Variants in VASN observed in about 807,000 individuals in gnomAD.
VASN encodes vasorin.
In VASN, 5 loss-of-function variants were observed where a neutral mutation model predicts 4.8. The ratio of observed to expected loss-of-function variants is 1.03; its 90% CI spans 0.54 to 2.17. The LOEUF is 2.17. Ranked by LOEUF, VASN falls within the 30% of genes most tolerant of loss-of-function variation. The pLI is 0.01. For missense variants in VASN, 927 were observed against 948.8 expected (o/e 0.98, Z 0.30); for synonymous variants, 499 against 460.8 (o/e 1.08, Z -1.06).
intron 1 of VASN, among the ~76,000 whole-genome samples, chr16:4,378,956 G>A (rs1324676469): frequency 2.0e-5 from 3 of 152,166 alleles, no homozygotes; most frequent in Non-Finnish European, 4.4e-5. Context: ...GGGCCTGCGT[G>A]GGCCCAACCC....
Position 4,381,690 on chromosome 16 carries a change from G to C in VASN, c.813G>C (p.Val271=), listed in dbSNP as rs1347138296. ...AGLAALQELD[V]SNLSLQALPG... is the part of the protein sequence containing the mutation. ...TGGCTGCCCTGCAGGAGCTGGATGT[G>C]AGCAACCTAAGCCTGCAGGCCCTGC... Residue 271 remains valine (V), a synonymous_variant, in exon 2 of 2, where the codon GTG becomes GTC. Transcript: ENST00000304735. 1.2e-6 allele frequency: 2 copies of C among 1,607,936 alleles called. No individual in the cohort carries two copies. The highest frequency in any genetic ancestry group is 1.3e-5 in the African/African-American group (1 of 74,982).
At chr16:4,375,334 A>G (rs71388572) in intron 1 of VASN, among the ~76,000 whole-genome samples, 1,529 of 152,332 alleles carry the variant, frequency 0.01, 17 homozygotes, top group Non-Finnish European at 0.014. Context: ...CACCTGCTCC[A>G]GGATACAGAG....
chr16:4,375,078 G>C (rs1192765511), intron 1 of VASN, among the ~76,000 whole-genome samples: 1 of 152,072 alleles, frequency 6.6e-6, no homozygotes, highest in Non-Finnish European at 1.5e-5. Context: ...AGGGCCACAG[G>C]TGTCCTCCCT....
rs749471508 is a variant in VASN, at chr16:4,381,046, C to A, written c.169C>A (p.Leu57Met). The A allele has an allele frequency of 9.3e-6, 15 of 1,610,646 alleles. No individual in the cohort carries two copies. In the South Asian group the frequency reaches 1.4e-4, roughly 15 times the overall value. The change falls in exon 2 of 2, where the codon CTG becomes ATG. Residue 57 changes from leucine (L) to methionine (M), a missense_variant. Coordinates refer to ENST00000304735, the MANE Select transcript of VASN (RefSeq NM_138440.3). ...AGACGTGCCACCCGACACGGTGGGG[C>A]TGTACGTCTTTGAGAACGGCATCAC... is the stretch of plus-strand genomic sequence containing the variant. ...PRDVPPDTVG[L>M]YVFENGITML...
chr16:4,379,186 G>A (rs1311813125), intron 1 of VASN, among the ~76,000 whole-genome samples: 1 of 152,140 alleles, frequency 6.6e-6, no homozygotes, highest in African/African-American at 2.4e-5. Flanking sequence ...TGCACAGCCT[G>A]TGTGGGGGAA....
At position 4,382,246 on chromosome 16, in the gene VASN, A is replaced by G; in HGVS notation, c.1369A>G (p.Thr457Ala). ...QGTRPSPTPV[T>A]PRPPRSLTLG... ...GACACGGCCCAGCCCTACACCAGTC[A>G]CGCCGAGGCCACCACGGTCCCTGAC... Residue 457 changes from threonine (T) to alanine (A), a missense_variant, in exon 2 of 2, where the codon ACG becomes GCG. By Grantham distance (58) the Thr-to-Ala change is moderately conservative. Coordinates refer to ENST00000304735, the MANE Select transcript of VASN (RefSeq NM_138440.3). The G allele has an allele frequency of 6.2e-7, 1 of 1,607,614 alleles. No individual in the cohort carries two copies. The highest frequency in any genetic ancestry group is 8.5e-7 in the Non-Finnish European group (1 of 1,178,378).
At chr16:4,376,592 T>A (rs1446621260) in intron 1 of VASN, among the ~76,000 whole-genome samples, 1 of 152,180 alleles carries the variant, frequency 6.6e-6, no homozygotes, top group African/African-American at 2.4e-5. Context: ...GGTCACCAGA[T>A]GCCTGGGTCC....
intron 1 of VASN, among the ~76,000 whole-genome samples, chr16:4,380,412 A>G (rs1342470458): frequency 6.6e-6 from 1 of 152,228 alleles, no homozygotes; most frequent in Non-Finnish European, 1.5e-5. Context: ...GGAGCGTGGC[A>G]GCAGGAGCCG....
intron 1 of VASN, among the ~76,000 whole-genome samples, chr16:4,375,754 C>T (rs1184986620): frequency 6.6e-6 from 1 of 152,230 alleles, no homozygotes; most frequent in Non-Finnish European, 1.5e-5. Context: ...TCCCAAAGTA[C>T]TGGGATTACA....
chr16:4,374,752 G>A (rs1161511823), intron 1 of VASN, among the ~76,000 whole-genome samples: 4 of 152,044 alleles, frequency 2.6e-5, no homozygotes, highest in South Asian at 2.1e-4. Flanking sequence ...AGAACCCTGG[G>A]TGATTGTGGG....
Position 4,382,714 on chromosome 16 carries a change from G to A in VASN, c.1837G>A (p.Gly613Arg). 2 of 1,551,038 alleles carry A rather than the reference G, an allele frequency of 1.3e-6. No homozygotes were observed. Among genetic ancestry groups the A allele is most frequent in the Non-Finnish European group, 1.7e-6 (2 of 1,148,464 alleles). The change falls in exon 2 of 2, where the codon GGG (glycine) becomes AGG (arginine). Residue 613 changes from glycine to arginine, a missense_variant. Transcript: ENST00000304735. Reference protein sequence around the residue: ...RAMAAAAQDKGQVGPGAGPLE... With the variant: ...RAMAAAAQDKRQVGPGAGPLE... ...CATGGCAGCAGCGGCTCAGGACAAAGGGCAGGTGGGGCCAGGGGCTGGGCC... is the reference window on the plus strand; with the variant it reads ...CATGGCAGCAGCGGCTCAGGACAAAAGGCAGGTGGGGCCAGGGGCTGGGCC...
chr16:4,382,425 G>A lies in VASN; in HGVS notation c.1548G>A (p.Ser516=), dbSNP rs769712492. 6.2e-6 allele frequency: 10 copies of A among 1,611,126 alleles called. No individual in the cohort carries two copies. In the East Asian group the frequency reaches 6.7e-5, roughly 11 times the overall value. ...KRLVTLRLPA[S]LAEYTVTQLR... is the part of the protein sequence containing the mutation. ...TGGTGACGCTGCGACTGCCTGCCTCGCTCGCTGAGTACACGGTCACCCAGC... is the reference window on the plus strand; with the variant it reads ...TGGTGACGCTGCGACTGCCTGCCTCACTCGCTGAGTACACGGTCACCCAGC... Residue 516 remains serine, a synonymous_variant, in exon 2 of 2, where the codon TCG becomes TCA. Coordinates refer to ENST00000304735, the MANE Select transcript of VASN (RefSeq NM_138440.3).
Position 4,382,783 on chromosome 16 carries a change from A to G in VASN, c.1906A>G (p.Lys636Glu), listed in dbSNP as rs766412403. 3.2e-6 allele frequency: 5 copies of G among 1,580,512 alleles called. No homozygotes were observed. The African/African-American group carries it at 5.4e-5, about 17-fold the overall frequency. Residue 636 changes from lysine to glutamate, a missense_variant, in exon 2 of 2, where the codon AAG becomes GAG. Lys to Glu is a moderately conservative substitution (Grantham distance 56, BLOSUM62 1). Transcript: ENST00000304735. ...GVKVPLEPGP[K>E]ATEGGGEALP... is the part of the protein sequence containing the mutation. Reference sequence around the variant, plus strand: ...GAAGGTCCCCTTGGAGCCAGGCCCGAAGGCAACAGAGGGCGGTGGAGAGGC... The same window carrying G: ...GAAGGTCCCCTTGGAGCCAGGCCCGGAGGCAACAGAGGGCGGTGGAGAGGC...
At chr16:4,373,433 C>G (rs1197358249) in intron 1 of VASN, among the ~76,000 whole-genome samples, 1 of 152,044 alleles carries the variant, frequency 6.6e-6, no homozygotes, top group Non-Finnish European at 1.5e-5. Context: ...GGGGATGGGG[C>G]TGGGGGCTGG....
chr16:4,374,568 C>A (rs1479003467), intron 1 of VASN, among the ~76,000 whole-genome samples: 1 of 152,132 alleles, frequency 6.6e-6, no homozygotes, highest in Non-Finnish European at 1.5e-5. Flanking sequence ...GCTGGGGCGG[C>A]CGCTGGGGCC....
chr16:4,379,778 C>T (rs567138889), intron 1 of VASN, among the ~76,000 whole-genome samples: 3 of 151,246 alleles, frequency 2.0e-5, no homozygotes, highest in Admixed American at 1.3e-4. Flanking sequence ...CACGGTGGCT[C>T]ATGCCTGTAA....
At position 4,382,227 on chromosome 16, in the gene VASN, G is replaced by A; in HGVS notation, c.1350G>A (p.Arg450=). 6.2e-7 allele frequency: 1 copy of A among 1,605,432 alleles called. No homozygotes were observed. Among genetic ancestry groups the A allele is most frequent in the Non-Finnish European group, 8.5e-7 (1 of 1,177,760 alleles). The change falls in exon 2 of 2, where the codon CGG becomes CGA. Residue 450 remains arginine (R), a synonymous_variant. Transcript: ENST00000304735. Reference sequence around the variant, plus strand: ...AGAGCCAGATGGGGCAGGGGACACGGCCCAGCCCTACACCAGTCACGCCGA... The same window carrying A: ...AGAGCCAGATGGGGCAGGGGACACGACCCAGCCCTACACCAGTCACGCCGA... ...YCESQMGQGT[R]PSPTPVTPRP...
At position 4,383,229 on chromosome 16, in the gene VASN, T is replaced by C; in HGVS notation, c.*330T>C. 1 of 311,428 alleles carries C rather than the reference T, an allele frequency of 3.2e-6. No individual in the cohort carries two copies. Among genetic ancestry groups the C allele is most frequent in the East Asian group, 5.6e-5 (1 of 17,940 alleles). The allele number at this position is 311,428 out of a possible 1,614,324, so 19.3% of individuals were successfully genotyped here. ...CCTGGGCCCTGCTGGGCTCTCCCAC[T>C]CCAGGCGGACCCTGGGGGCCAGTGA... On this transcript the variant is annotated 3_prime_UTR_variant, in exon 2 of 2. Transcript: ENST00000304735.
chr16:4,378,896 G>A lies in VASN; in HGVS notation c.-9-1973G>A, dbSNP rs187454093. ...GCTAACTGGCTAGGGGCTCAGGGTC[G>A]GTAGCTCCTAGGGGAGACGACTCTG... On this transcript the variant is annotated intron_variant, in intron 1 of 1. Coordinates refer to ENST00000304735, the MANE Select transcript of VASN (RefSeq NM_138440.3). 8.0e-4 allele frequency among the ~76,000 whole-genome samples: 121 copies of A among 152,124 alleles called. 1 individual carries two copies. Among genetic ancestry groups the A allele is most frequent in the African/African-American group, 2.7e-3 (113 of 41,498 alleles).
Sources: allele counts gnomAD v4.1 joint callset (sites outside exome capture counted in the v4.1 genomes callset), GRCh38; gene constraint gnomAD v4.1.1; transcripts MANE v1.5; gene names NCBI Gene and HGNC (gene_info 2026-07-23, HGNC 2026-07-21).